The following SRPK2 variants were observed in gnomAD, a reference collection of about 807,000 sequenced individuals.
SRPK2 encodes SRSF protein kinase 2.
SRPK2 carries 21 observed loss-of-function variants against 90.8 expected under a neutral mutation model. The observed-to-expected ratio is 0.23, with a 90% CI of 0.16 to 0.33. SRPK2 has a LOEUF of 0.33. SRPK2 is among the 10% of genes least tolerant of loss of function. The pLI, the probability that SRPK2 is intolerant of heterozygous loss-of-function variation, is 1.00. For missense variants in SRPK2, 620 were observed against 869.0 expected, an observed-to-expected ratio of 0.71 and a Z score of 3.60; for synonymous variants, 288 against 311.1, an observed-to-expected ratio of 0.93 and a Z score of 0.78.
upstream of SRPK2, chr7:105,389,491 G>T: frequency 1.9e-6 from 2 of 1,029,132 alleles, no homozygotes; most frequent in Middle Eastern, 2.6e-4. Context: ...ACCTCTAAGT[G>T]CCCTCCAGGA....
At chr7:105,385,171 A>ATTTTTTTTTTTTTT (rs767913304) in intron 2 of SRPK2, among the ~76,000 whole-genome samples, 1 of 49,674 alleles carries the variant, frequency 2.0e-5, no homozygotes, top group African/African-American at 9.8e-5. Flanking sequence ...CGCGCCCGGC[A>ATTTTTTTTTTTTTT]TTTTTTTTTT....
intron 2 of SRPK2, among the ~76,000 whole-genome samples, chr7:105,229,401 T>C (rs1799147570): frequency 6.6e-6 from 1 of 151,966 alleles, no homozygotes; most frequent in Non-Finnish European, 1.5e-5. Flanking sequence ...GAGGCGGAGC[T>C]TGCAGTGAGC....
Position 105,388,631 on chromosome 7 carries a change from G to T in SRPK2, c.71+17C>A. ...GGGCGGGGGTGGGGAACGGGGACAGGCGCAGCGTGGACTCACTTTTTCGGA... is the reference window on the plus strand; with the variant it reads ...GGGCGGGGGTGGGGAACGGGGACAGTCGCAGCGTGGACTCACTTTTTCGGA... On this transcript the variant is annotated intron_variant, in intron 2 of 15. Transcript: ENST00000393651. The T allele has an allele frequency of 6.3e-7, 1 of 1,577,914 alleles. No homozygotes were observed. Among genetic ancestry groups the T allele is most frequent in the African/African-American group, 1.4e-5 (1 of 71,742 alleles).
At chr7:105,203,923 C>A (rs1012983439) in intron 2 of SRPK2, 138 bp from the exon 3 acceptor site, 1 of 1,116,010 alleles carries the variant, frequency 9.0e-7, no homozygotes, top group Admixed American at 2.8e-5. Context: ...TGTCACTTCA[C>A]CCATTTTAGT....
chr7:105,220,575 T>C lies in SRPK2; in HGVS notation c.72-16790A>G, dbSNP rs566754230. On this transcript the variant is annotated intron_variant, in intron 2 of 15. Transcript: ENST00000393651. ...AGTGTTCAAAAACTCAAATTTAAAT[T>C]GTAAAAGAACTAACATTAAGAAAAA... Among the ~76,000 whole-genome samples the C allele has an allele frequency of 7.2e-5, 11 of 152,178 alleles. No homozygotes were observed. In the South Asian group the frequency reaches 2.3e-3, roughly 32 times the overall value.
intron 2 of SRPK2, among the ~76,000 whole-genome samples, chr7:105,208,228 T>C (rs114322727): frequency 0.014 from 2,123 of 152,194 alleles, 51 homozygotes; most frequent in African/African-American, 0.049. Context: ...TGGAAAACGG[T>C]CTGGCAGTTC....
chr7:105,191,709 T>A (rs1237267351), intron 3 of SRPK2, among the ~76,000 whole-genome samples: 1 of 152,108 alleles, frequency 6.6e-6, no homozygotes, highest in Non-Finnish European at 1.5e-5. Flanking sequence ...GATTGTTGAA[T>A]AATAAAGACG....
chr7:105,280,947 C>CAAAAAAAAAAAAAAAA, intron 2 of SRPK2, among the ~76,000 whole-genome samples: 2 of 43,326 alleles, frequency 4.6e-5, no homozygotes, highest in Non-Finnish European at 7.3e-5. Flanking sequence ...GACTCCATCT[C>CAAAAAAAAAAAAAAAA]AAAAAAAAAA....
chr7:105,348,497 T>C (rs1816747280), intron 2 of SRPK2, among the ~76,000 whole-genome samples: 1 of 150,560 alleles, frequency 6.6e-6, no homozygotes, highest in Non-Finnish European at 1.5e-5. Context: ...TGATCACGGC[T>C]CACTGCAACC....
chr7:105,279,470 C>T (rs559059376), intron 2 of SRPK2, among the ~76,000 whole-genome samples: 12 of 152,056 alleles, frequency 7.9e-5, no homozygotes, highest in Non-Finnish European at 1.3e-4. Flanking sequence ...TCATTCTCTC[C>T]AAAAGTGGGA....
chr7:105,388,678 C>A lies in SRPK2; in HGVS notation c.41G>T (p.Arg14Leu). The A allele has an allele frequency of 6.3e-7, 1 of 1,588,562 alleles. No individual in the cohort carries two copies. Among genetic ancestry groups the A allele is most frequent in the Non-Finnish European group, 8.6e-7 (1 of 1,167,216 alleles). Reference protein sequence around the residue: ...RKVLAIQARKRRPKREKHPKK... With the variant: ...RKVLAIQARKLRPKREKHPKK... ...CGGATGTTTCTCTCTTTTCGGCCTC[C>A]GCTTTCGGGCCTGAATGGCCAGCAC... Residue 14 changes from arginine (R) to leucine (L), a missense_variant, in exon 2 of 16, where the codon CGG (arginine) becomes CTG (leucine). Transcript: ENST00000393651.
chr7:105,242,581 T>A (rs1183130474), intron 2 of SRPK2, among the ~76,000 whole-genome samples: 8 of 152,188 alleles, frequency 5.3e-5, no homozygotes, highest in Non-Finnish European at 8.8e-5. Flanking sequence ...CGACAGTAAG[T>A]AAAGCAAGTG....
intron 2 of SRPK2, among the ~76,000 whole-genome samples, chr7:105,325,177 A>G (rs1813418116): frequency 1.3e-5 from 2 of 152,188 alleles, no homozygotes; most frequent in Admixed American, 1.3e-4. Context: ...ACAAAATAGA[A>G]TCAAAGAAAG....
At chr7:105,263,297 T>C (rs1356254518) in intron 2 of SRPK2, among the ~76,000 whole-genome samples, 4 of 151,040 alleles carry the variant, frequency 2.6e-5, no homozygotes, top group South Asian at 4.2e-4. Context: ...TACTCCAGCC[T>C]GGGCAAAAGA....
intron 15 of SRPK2, among the ~76,000 whole-genome samples, chr7:105,123,551 T>G (rs2129572638): frequency 6.6e-6 from 1 of 152,340 alleles, no homozygotes; most frequent in Admixed American, 6.5e-5. Context: ...TAAATGGATA[T>G]TTTTAAGATT....
intron 3 of SRPK2, among the ~76,000 whole-genome samples, chr7:105,170,745 G>GGAAGGAAGGAAGGAAGGA (rs1213368773): frequency 4.4e-5 from 2 of 45,538 alleles, no homozygotes; most frequent in Non-Finnish European, 7.5e-5. Context: ...GGAAGAAAGG[G>GGAAGGAAGGAAGGAAGGA]AGGAAGGAAG....
chr7:105,266,593 C>A (rs182645881), intron 2 of SRPK2, among the ~76,000 whole-genome samples: 5 of 152,168 alleles, frequency 3.3e-5, no homozygotes, highest in Non-Finnish European at 5.9e-5. Flanking sequence ...TGACTATATG[C>A]AAATTCCAAA....
intron 2 of SRPK2, among the ~76,000 whole-genome samples, chr7:105,286,478 C>T (rs1431960164): frequency 6.6e-6 from 1 of 152,094 alleles, no homozygotes; most frequent in Non-Finnish European, 1.5e-5. Context: ...AGGTAAACTA[C>T]ATTTAAGTTA....
At chr7:105,380,612 C>T (rs1464098686) in intron 2 of SRPK2, among the ~76,000 whole-genome samples, 1 of 150,102 alleles carries the variant, frequency 6.7e-6, no homozygotes, top group Non-Finnish European at 1.5e-5. Flanking sequence ...CAAGCTCTGC[C>T]TCCCGGGTTC....
Sources: allele counts gnomAD v4.1 joint callset (sites outside exome capture counted in the v4.1 genomes callset), GRCh38; gene constraint gnomAD v4.1.1; transcripts MANE v1.5; gene names NCBI Gene and HGNC (gene_info 2026-07-23, HGNC 2026-07-21).